Variants in PXDN observed in about 807,000 individuals in gnomAD.
PXDN encodes the protein peroxidasin homolog.
A neutral mutation model predicts 140.3 loss-of-function variants in PXDN; 77 were observed. The observed-to-expected ratio is 0.55, with a 90% CI of 0.46 to 0.66. The LOEUF (loss-of-function observed/expected upper bound fraction) is 0.66, where lower values mean the gene tolerates loss of function less well. PXDN is among the 30% of genes least tolerant of loss of function. PXDN has a pLI of 0.00. For missense variants in PXDN, 1,838 were observed against 2,039.5 expected, an observed-to-expected ratio of 0.90 and a Z score of 1.90; for synonymous variants, 911 against 857.4, an observed-to-expected ratio of 1.06 and a Z score of -1.09.
At chr2:1,710,478 TTCCACCAGCACCCACTC>T (rs1227390323) in intron 1 of PXDN, among the ~76,000 whole-genome samples, 1 of 146,960 alleles carries the variant, frequency 6.8e-6, no homozygotes, top group Non-Finnish European at 1.5e-5. Context: ...AGCATCCACT[TTCCACCAGCACCCACTC>T]TCCACTAGCA....
At chr2:1,662,531 A>G (rs1429965717) in intron 12 of PXDN, among the ~76,000 whole-genome samples, 1 of 152,192 alleles carries the variant, frequency 6.6e-6, no homozygotes, top group Non-Finnish European at 1.5e-5. Context: ...AGTCTCAGGC[A>G]TATGCTGTGC....
intron 2 of PXDN, chr2:1,692,682 C>T (rs1445706293): frequency 1.1e-5 from 5 of 458,252 alleles, no homozygotes; most frequent in Non-Finnish European, 2.2e-5. Context: ...CTTAAGTCCA[C>T]TCCACACTCA....
chr2:1,658,090 CTCTGTTACAGTG>C (rs1261606294), intron 14 of PXDN, among the ~76,000 whole-genome samples: 3 of 119,014 alleles, frequency 2.5e-5, no homozygotes, highest in Admixed American at 1.0e-4. Context: ...CTCTCTCTCT[CTCTGTTACAGTG>C]TCTGCGTGCG....
At chr2:1,743,928 C>A (rs966790119) in intron 1 of PXDN, among the ~76,000 whole-genome samples, 1 of 70,910 alleles carries the variant, frequency 1.4e-5, no homozygotes, top group South Asian at 4.7e-4. Flanking sequence ...GGGAGGCGAG[C>A]GGGGGGAGCC....
chr2:1,664,986 C>T lies in PXDN; in HGVS notation c.1380G>A (p.Pro460=), dbSNP rs191647762. 1,266 of 1,565,818 alleles carry T rather than the reference C, an allele frequency of 8.1e-4. 13 individuals are homozygous for T. The African/African-American group carries it at 0.015, about 19-fold the overall frequency. The change falls in exon 11 of 23, where the codon CCG becomes CCA. Residue 460 remains proline, a synonymous_variant. Transcript: ENST00000252804. Reference sequence around the variant, plus strand: ...CCTTGGTCCAGGCGATGACGGGCGGCGGGTTGCCCTTGGCTTCACACTGGA... The same window carrying T: ...CCTTGGTCCAGGCGATGACGGGCGGTGGGTTGCCCTTGGCTTCACACTGGA... The part of the protein sequence containing the change: ...VDFQCEAKGN[P]PPVIAWTKGG...
chr2:1,716,058 T>C (rs1016146685), intron 1 of PXDN, among the ~76,000 whole-genome samples: 2 of 152,056 alleles, frequency 1.3e-5, no homozygotes, highest in African/African-American at 2.4e-5. Flanking sequence ...AGGCCTGGGG[T>C]AGAGTCCACC....
chr2:1,732,492 A>G (rs1685334564), intron 1 of PXDN, among the ~76,000 whole-genome samples: 1 of 152,190 alleles, frequency 6.6e-6, no homozygotes. Flanking sequence ...CTCATCAGCC[A>G]GACTGAAAAC....
chr2:1,658,554 A>G (rs1437175603), intron 14 of PXDN, among the ~76,000 whole-genome samples: 1 of 150,480 alleles, frequency 6.6e-6, no homozygotes, highest in Non-Finnish European at 1.5e-5. Flanking sequence ...TTGGCCCAGC[A>G]CCCCCCACTA....
chr2:1,632,163 T>C lies in PXDN; in HGVS notation c.*2041A>G, dbSNP rs1682426736. The C allele has an allele frequency of 6.6e-6, 1 of 152,264 alleles. No homozygotes were observed. The allele number at this position is 152,264 out of a possible 1,614,324, so 9.4% of individuals were successfully genotyped here. ...CATTTTGGTTTGAATTACAGAATTT[T>C]TTTTGGTAAATCACAGTCAGCTTCC... is the stretch of plus-strand genomic sequence containing the variant. On this transcript the variant is annotated 3_prime_UTR_variant, in exon 23 of 23. Coordinates refer to ENST00000252804, the MANE Select transcript of PXDN (RefSeq NM_012293.3). The surrounding 1 kb of genome is among the most constrained non-coding windows in gnomAD (Gnocchi z 4.3).
At chr2:1,744,639 G>A, upstream of PXDN, 1 of 500,926 alleles carries the variant, frequency 2.0e-6, no homozygotes, top group Middle Eastern at 6.5e-4. Flanking sequence ...CGAGAACCCG[G>A]GGCCCCAGCG....
chr2:1,714,030 TG>T lies in PXDN; in HGVS notation c.201-20897del, dbSNP rs1406928696. On this transcript the variant is annotated intron_variant, in intron 1 of 22. Transcript: ENST00000252804. The surrounding 1 kb of genome is among the most constrained non-coding windows in gnomAD (Gnocchi z 4.3). ...TGTCACCCTGAAACATGGCCCAGCCTGGGCAACCTACGATAATATTGGCACT... is the reference window on the plus strand; with the variant it reads ...TGTCACCCTGAAACATGGCCCAGCCTGGCAACCTACGATAATATTGGCACT... Among the ~76,000 whole-genome samples the T allele has an allele frequency of 1.3e-5, 2 of 152,190 alleles. No individual in the cohort carries two copies. Among genetic ancestry groups the T allele is most frequent in the African/African-American group, 2.4e-5 (1 of 41,450 alleles).
At position 1,709,627 on chromosome 2, in the gene PXDN, G is replaced by A. The variant is rs1335524413; in HGVS notation, c.201-16493C>T. On this transcript the variant is annotated intron_variant, in intron 1 of 22. Transcript: ENST00000252804. ...CTGCGCTCCCACTCCGCACCTGCCC[G>A]GCCCCAGGAGGCCGGCAAGGCGGCT... Among the ~76,000 whole-genome samples, 4 of 152,294 alleles carry A rather than the reference G, an allele frequency of 2.6e-5. No homozygotes were observed. The South Asian group carries it at 6.2e-4, about 24-fold the overall frequency.
intron 14 of PXDN, among the ~76,000 whole-genome samples, chr2:1,659,943 A>G (rs1465282272): frequency 6.6e-6 from 1 of 152,172 alleles, no homozygotes; most frequent in African/African-American, 2.4e-5. Flanking sequence ...AGAGTGGAAA[A>G]GGCAAAAATA....
rs1297825018 is a variant in PXDN at position 1,706,770 on chromosome 2, G to A, written c.201-13636C>T. On this transcript the variant is annotated intron_variant, in intron 1 of 22. Transcript: ENST00000252804. ...ACCTGCCCCACTAATAATACAATCC[G>A]AGAGCACACTTCAGTGATCACCAAT... Among the ~76,000 whole-genome samples the A allele has an allele frequency of 4.8e-5, 6 of 125,440 alleles. 1 individual carries two copies. Among genetic ancestry groups the A allele is most frequent in the Admixed American group, 2.3e-4 (3 of 12,974 alleles). 82.3% of individuals were successfully genotyped at this position (125,440 alleles called of 152,430 possible).
rs146297780 is a variant in PXDN at position 1,680,157 on chromosome 2, A to C, written c.730+36T>G. ...GGATGGTGTGTGTGTAGATGGTGTGAGTGTGTGGATGGTGTGTGCGTGTCG... is the reference window on the plus strand; with the variant it reads ...GGATGGTGTGTGTGTAGATGGTGTGCGTGTGTGGATGGTGTGTGCGTGTCG... On this transcript the variant is annotated intron_variant, in intron 7 of 22. Coordinates refer to ENST00000252804, the MANE Select transcript of PXDN (RefSeq NM_012293.3). 1,185 of 1,342,120 alleles carry C rather than the reference A, an allele frequency of 8.8e-4. 8 individuals are homozygous for C. In the African/African-American group the frequency reaches 0.017, roughly 19 times the overall value. The allele number at this position is 1,342,120 out of a possible 1,614,324, so 83.1% of individuals were successfully genotyped here.
intron 14 of PXDN, among the ~76,000 whole-genome samples, chr2:1,658,555 C>T (rs2125420759): frequency 6.6e-6 from 1 of 151,086 alleles, no homozygotes; most frequent in African/African-American, 2.5e-5. Context: ...TGGCCCAGCA[C>T]CCCCCACTAT....
intron 16 of PXDN, among the ~76,000 whole-genome samples, chr2:1,650,673 T>C (rs748677329): frequency 1.3e-5 from 2 of 152,100 alleles, no homozygotes; most frequent in Non-Finnish European, 2.9e-5. Flanking sequence ...ATGTCATGCC[T>C]GCCGAAAAGC....
intron 4 of PXDN, among the ~76,000 whole-genome samples, chr2:1,686,785 C>G (rs185383534): frequency 7.2e-5 from 11 of 152,322 alleles, no homozygotes; most frequent in East Asian, 3.9e-4. Flanking sequence ...TGGTCTCCCC[C>G]CTGCACCGCT....
chr2:1,644,446 G>A (rs1050292457), intron 18 of PXDN, among the ~76,000 whole-genome samples, 172 bp downstream of exon 18: 6 of 152,260 alleles, frequency 3.9e-5, no homozygotes, highest in African/African-American at 1.2e-4. Context: ...AGCCCAAGGC[G>A]GTGCACAGAA....
Sources: gnomAD v4.1 joint callset for allele counts (sites outside exome capture counted in the v4.1 genomes callset) on GRCh38, gnomAD v4.1.1 for gene constraint, Gnocchi (gnomAD v3.1) non-coding constraint, MANE v1.5 for transcripts, NCBI Gene and HGNC (gene_info 2026-07-23, HGNC 2026-07-21) for gene names.